KCNT1: variants seen among roughly 807,000 people sequenced by gnomAD.
KCNT1 encodes the protein potassium sodium-activated channel subfamily T member 1, also known as potassium channel subfamily T member 1.
A neutral mutation model predicts 147.8 loss-of-function variants in KCNT1; 78 were observed. That is an observed-to-expected ratio of 0.53 (90% CI 0.44 to 0.64). The LOEUF is 0.64. Ranked by LOEUF, KCNT1 falls within the 30% of genes least tolerant of loss-of-function variation. The pLI is 0.00. For synonymous variants in KCNT1, 867 were observed against 748.8 expected (o/e 1.16, Z -2.58); for missense variants, 1,419 against 1,750.3 (o/e 0.81, Z 3.38).
intron 1 of KCNT1, among the ~76,000 whole-genome samples, chr9:135,711,308 G>C (rs980128556): frequency 3.9e-5 from 6 of 152,168 alleles, no homozygotes; most frequent in Admixed American, 2.6e-4. Flanking sequence ...GATGCAGGGG[G>C]AGTGAGAAGC....
intron 29 of KCNT1, chr9:135,788,264 G>A: frequency 2.1e-6 from 2 of 965,360 alleles, no homozygotes; most frequent in Non-Finnish European, 3.3e-6. Flanking sequence ...AGGTGGACAG[G>A]AGCTGTGAGA....
At position 135,725,883 on chromosome 9, in the gene KCNT1, C is replaced by T. The variant is rs530668627; in HGVS notation, c.254+11163C>T. ...GCAGAAATGCCGGAAAAGAGGCCCCCTCCCACCCGCCCTGGGAGCCCAGGT... is the reference window on the plus strand; with the variant it reads ...GCAGAAATGCCGGAAAAGAGGCCCCTTCCCACCCGCCCTGGGAGCCCAGGT... On this transcript the variant is annotated intron_variant, in intron 2 of 30. Coordinates refer to ENST00000371757, the MANE Select transcript of KCNT1 (RefSeq NM_020822.3). Among the ~76,000 whole-genome samples, 26 of 152,280 alleles carry T rather than the reference C, an allele frequency of 1.7e-4. No individual in the cohort carries two copies. In the East Asian group the frequency reaches 4.5e-3, roughly 26 times the overall value.
chr9:135,772,262 T>C (rs1387964424), intron 18 of KCNT1, among the ~76,000 whole-genome samples: 1 of 151,948 alleles, frequency 6.6e-6, no homozygotes, highest in East Asian at 1.9e-4. Flanking sequence ...TACCTAGAGG[T>C]CCACAACCCC....
Position 135,752,181 on chromosome 9 carries a change from C to G in KCNT1, c.434+1140C>G, listed in dbSNP as rs763088289. 1.5e-4 allele frequency: 52 copies of G among 353,890 alleles called. No homozygotes were observed. The highest frequency in any genetic ancestry group is 2.2e-4 in the Non-Finnish European group (40 of 178,576). 21.9% of individuals were successfully genotyped at this position (353,890 alleles called of 1,614,324 possible). On this transcript the variant is annotated intron_variant, in intron 4 of 30. Coordinates refer to ENST00000371757, the MANE Select transcript of KCNT1 (RefSeq NM_020822.3). The surrounding 1 kb of genome is among the most constrained non-coding windows in gnomAD (Gnocchi z 5.1). ...GAACCCTGCCAGCATGCTGGTCCCC[C>G]CTCTGGCTGCGCAGAGCAGGTTCTT...
chr9:135,763,152 G>T (rs1289630604), intron 11 of KCNT1, among the ~76,000 whole-genome samples: 1 of 152,232 alleles, frequency 6.6e-6, no homozygotes, highest in Non-Finnish European at 1.5e-5. Flanking sequence ...ACCTGACCCA[G>T]GTGGGCCTGT....
At chr9:135,756,801 G>A (rs923135580) in intron 6 of KCNT1, 72 bp from the exon 7 acceptor site, 39 of 1,271,308 alleles carry the variant, frequency 3.1e-5, no homozygotes, top group Non-Finnish European at 3.9e-5. Flanking sequence ...ACCTGCCCGC[G>A]AGGCCTGTGG....
At chr9:135,763,672 G>T (rs750828883) in intron 11 of KCNT1, among the ~76,000 whole-genome samples, 1 of 152,148 alleles carries the variant, frequency 6.6e-6, no homozygotes, top group Non-Finnish European at 1.5e-5. Context: ...CCTCTTCTCT[G>T]TACCTCTCAC....
At chr9:135,726,327 A>G (rs1192522900) in intron 2 of KCNT1, among the ~76,000 whole-genome samples, 1 of 151,998 alleles carries the variant, frequency 6.6e-6, no homozygotes, top group East Asian at 1.9e-4. Context: ...TGGGTCTCGG[A>G]TCCCTTCCAG....
At chr9:135,766,066 ATCTGGGGTGGACCATCTAGGATGGACTG>A (rs1201291993) in intron 13 of KCNT1, among the ~76,000 whole-genome samples, 13 of 94,442 alleles carry the variant, frequency 1.4e-4, no homozygotes, top group East Asian at 8.6e-4. Flanking sequence ...AGGGTGGACC[ATCTGGGGTGGACCATCTAGGATGGACTG>A]TCTGGGGTGG....
intron 2 of KCNT1, among the ~76,000 whole-genome samples, chr9:135,749,422 G>A (rs547910573): frequency 3.9e-5 from 6 of 152,302 alleles, no homozygotes; most frequent in South Asian, 4.1e-4. Flanking sequence ...GAGCAGCGGC[G>A]TGCATGGGGG....
At chr9:135,760,187 C>T (rs547529451) in intron 11 of KCNT1, among the ~76,000 whole-genome samples, 24 of 152,300 alleles carry the variant, frequency 1.6e-4, no homozygotes, top group Middle Eastern at 6.8e-3. Flanking sequence ...ACAGCCGGCC[C>T]ATTTCCCATC....
intron 25 of KCNT1, 40 bp from the exon 26 acceptor site, chr9:135,784,488 TCCCTCCC>T: frequency 2.3e-5 from 2 of 85,964 alleles, no homozygotes; most frequent in East Asian, 1.8e-4. Flanking sequence ...TGTGGCTCCC[TCCCTCCC>T]TCCCTCCCTC....
intron 29 of KCNT1, among the ~76,000 whole-genome samples, chr9:135,787,202 C>T (rs547191290): frequency 1.3e-5 from 2 of 152,358 alleles, no homozygotes; most frequent in South Asian, 2.1e-4. Flanking sequence ...TCAGGGAGCC[C>T]GGCGTCCGTC....
chr9:135,785,476 C>G, intron 28 of KCNT1, 146 bp downstream of exon 28: 2 of 998,206 alleles, frequency 2.0e-6, no homozygotes, highest in East Asian at 2.6e-5. Flanking sequence ...ACGGATGTGT[C>G]GGCCCCAGCA....
At chr9:135,750,255 G>A (rs1202236085) in intron 3 of KCNT1, 78 bp downstream of exon 3, 1 of 1,202,922 alleles carries the variant, frequency 8.3e-7, no homozygotes, top group Non-Finnish European at 1.2e-6. Flanking sequence ...CGATGGCGAA[G>A]GCTGGGGCTG....
intron 19 of KCNT1, among the ~76,000 whole-genome samples, chr9:135,774,085 ATG>A (rs2131527279): frequency 6.9e-6 from 1 of 143,892 alleles, no homozygotes; most frequent in East Asian, 2.1e-4. Context: ...CATATGTGTA[ATG>A]TGTGTTGTGT....
intron 19 of KCNT1, 62 bp from the exon 20 acceptor site, chr9:135,775,248 C>G (rs895076610): frequency 1.3e-5 from 18 of 1,335,524 alleles, no homozygotes; most frequent in Non-Finnish European, 1.9e-5. Flanking sequence ...CCGAGGGGGG[C>G]CCCAGAGCAG....
At position 135,702,320 on chromosome 9, in the gene KCNT1, G is replaced by T. The variant is rs368870705; in HGVS notation, c.62G>T (p.Gly21Val). The T allele has an allele frequency of 5.6e-6, 9 of 1,611,462 alleles. No individual in the cohort carries two copies. In the African/African-American group the frequency reaches 9.4e-5, roughly 17 times the overall value. Residue 21 changes from glycine to valine, a missense_variant, in exon 1 of 31, where the codon GGC becomes GTC. Gly to Val is a moderately radical substitution (Grantham distance 109, BLOSUM62 -3). Transcript: ENST00000371757. ...GGVCREARGG[G>V]YTNRTFEFDD... ...GTCTGCCGGGAGGCGCGCGGCGGGG[G>T]CTACACCAACCGGACCTTCGAGTTT...
At chr9:135,759,431 C>T (rs908718786) in intron 10 of KCNT1, among the ~76,000 whole-genome samples, 1 of 152,204 alleles carries the variant, frequency 6.6e-6, no homozygotes, top group Non-Finnish European at 1.5e-5. Flanking sequence ...GAACAGAGGC[C>T]GCCATGCTGT....
Sources: allele counts gnomAD v4.1 joint callset (sites outside exome capture counted in the v4.1 genomes callset), GRCh38; gene constraint gnomAD v4.1.1; non-coding constraint Gnocchi (gnomAD v3.1); transcripts MANE v1.5; gene names NCBI Gene and HGNC (gene_info 2026-07-23, HGNC 2026-07-21).